MYO9A: variants seen among roughly 807,000 people sequenced by gnomAD.
The protein encoded by MYO9A is unconventional myosin-IXa.
A neutral mutation model predicts 293.3 loss-of-function variants in MYO9A; 103 were observed. The observed-to-expected ratio is 0.35, with a 90% CI of 0.30 to 0.41. The LOEUF is 0.41. Ranked by LOEUF, MYO9A falls within the 10% of genes least tolerant of loss-of-function variation. The pLI is 1.00. For synonymous variants in MYO9A, 1,001 were observed against 1,035.7 expected (o/e 0.97, Z 0.64); for missense variants, 2,685 against 3,033.0 (o/e 0.89, Z 2.69).
At chr15:71,900,038 TG>T in intron 23 of MYO9A, 32 bp from the exon 24 acceptor site, 2 of 1,563,318 alleles carry the variant, frequency 1.3e-6, no homozygotes, top group Non-Finnish European at 1.7e-6. Flanking sequence ...AGAAACTGGT[TG>T]TCATATCTTA....
Position 71,852,156 on chromosome 15 carries a change from A to G in MYO9A, c.6451T>C (p.Tyr2151His). ...LPNPLMTFEL[Y>H]EEFLRAMGLQ... The stretch of plus-strand genomic sequence containing the variant: ...CCCATAGCTCGAAGAAATTCCTCAT[A>G]GAGTTCAAAGGTCATGAGAGGATTG... Residue 2151 changes from tyrosine to histidine, a missense_variant, in exon 36 of 42, where the codon TAT becomes CAT. This residue lies in a region of MYO9A where 238 missense variants were observed against 269.1 expected (regional missense o/e 0.88). Transcript: ENST00000356056. 1 of 1,612,244 alleles carries G rather than the reference A, an allele frequency of 6.2e-7. No individual in the cohort carries two copies. Among genetic ancestry groups the G allele is most frequent in the Non-Finnish European group, 8.5e-7 (1 of 1,178,814 alleles).
chr15:72,008,240 C>G (rs1005873245), intron 7 of MYO9A, among the ~76,000 whole-genome samples: 2 of 152,100 alleles, frequency 1.3e-5, no homozygotes, highest in Non-Finnish European at 2.9e-5. Flanking sequence ...TTTAAAAAGG[C>G]CATGCCTCTC....
At chr15:72,050,147 G>GT (rs1270497948) in intron 1 of MYO9A, among the ~76,000 whole-genome samples, 19 of 150,550 alleles carry the variant, frequency 1.3e-4, no homozygotes, top group Non-Finnish European at 1.5e-4. Context: ...TGCTTTGTGG[G>GT]TTTTTTTGTT....
intron 18 of MYO9A, among the ~76,000 whole-genome samples, chr15:71,924,101 T>G (rs2058226944): frequency 6.6e-6 from 1 of 152,096 alleles, no homozygotes; most frequent in Non-Finnish European, 1.5e-5. Context: ...CTCCTTTGAC[T>G]CATTTGTAGT....
intron 8 of MYO9A, among the ~76,000 whole-genome samples, chr15:72,005,632 G>T (rs1435696169): frequency 3.9e-5 from 6 of 152,198 alleles, no homozygotes; most frequent in Non-Finnish European, 8.8e-5. Flanking sequence ...CCCTTCCCCT[G>T]CCTCTTCCTC....
intron 13 of MYO9A, among the ~76,000 whole-genome samples, chr15:71,960,892 G>C (rs565035426): frequency 2.9e-4 from 44 of 152,140 alleles, no homozygotes; most frequent in Admixed American, 8.5e-4. Flanking sequence ...ATGATGATAA[G>C]CTGGACAAGT....
intron 6 of MYO9A, among the ~76,000 whole-genome samples, chr15:72,015,171 A>C (rs2077294457): frequency 6.6e-6 from 1 of 152,022 alleles, no homozygotes; most frequent in South Asian, 2.1e-4. Context: ...AAACAGAAAA[A>C]TATATGCAGA....
At chr15:72,065,699 T>A in intron 1 of MYO9A, among the ~76,000 whole-genome samples, 1 of 151,740 alleles carries the variant, frequency 6.6e-6, no homozygotes. Flanking sequence ...ATACCTGCAA[T>A]ACACATATCA....
intron 14 of MYO9A, among the ~76,000 whole-genome samples, chr15:71,954,115 C>G (rs112660233): frequency 0.017 from 2,595 of 152,050 alleles, 80 homozygotes; most frequent in African/African-American, 0.06. Context: ...AGGATGGTCT[C>G]GACCTCCTGA....
In MYO9A at chr15:72,103,486, C is replaced by CA. The variant is rs1206558128; in HGVS notation, c.-72+14193_-72+14194insT. Among the ~76,000 whole-genome samples, 160 of 133,412 alleles carry CA rather than the reference C, an allele frequency of 1.2e-3. 1 individual carries two copies. The highest frequency in any genetic ancestry group is 1.8e-3 in the Non-Finnish European group (115 of 63,452). The allele number at this position is 133,412 out of a possible 152,430, so 87.5% of individuals were successfully genotyped here. Reference sequence around the variant, plus strand: ...GAAGCAGCAGCAGAAGCAGAAGCAGCGCAGAAGCAGAAGCAGTGGCAGCAG... The same window carrying CA: ...GAAGCAGCAGCAGAAGCAGAAGCAGCAGCAGAAGCAGAAGCAGTGGCAGCAG... On this transcript the variant is annotated intron_variant, in intron 1 of 41. Coordinates refer to ENST00000356056, the MANE Select transcript of MYO9A (RefSeq NM_006901.4).
At chr15:72,029,690 G>A (rs942999911) in intron 3 of MYO9A, among the ~76,000 whole-genome samples, 2 of 152,166 alleles carry the variant, frequency 1.3e-5, no homozygotes, top group Non-Finnish European at 2.9e-5. Flanking sequence ...TGAAAGTAAT[G>A]AGGAATTAAA....
rs558280134 is a variant in MYO9A, at chr15:72,032,693, A to G, written c.841-105T>C. ...AGGTCAGCTCAGAGACAAAATGTTA[A>G]AGAGACAGTAAAAAGACAATTTGCT... On this transcript the variant is annotated intron_variant, in intron 2 of 41. Transcript: ENST00000356056. 9.3e-5 allele frequency: 57 copies of G among 610,406 alleles called. 2 individuals are homozygous for G. The Admixed American group carries it at 1.7e-3, about 19-fold the overall frequency. 37.8% of individuals were successfully genotyped at this position (610,406 alleles called of 1,614,324 possible).
intron 3 of MYO9A, among the ~76,000 whole-genome samples, chr15:72,031,445 C>G (rs1341222600): frequency 6.6e-6 from 1 of 152,044 alleles, no homozygotes; most frequent in Non-Finnish European, 1.5e-5. Context: ...GAGATTGCAC[C>G]ACTGCATTCC....
intron 18 of MYO9A, among the ~76,000 whole-genome samples, chr15:71,930,100 C>T (rs1300066539): frequency 6.6e-6 from 1 of 152,158 alleles, no homozygotes; most frequent in African/African-American, 2.4e-5. Context: ...CTATTGCTGG[C>T]CAGGCATGGT....
At chr15:72,116,934 G>C (rs183628371) in intron 1 of MYO9A, 7 of 152,298 alleles carry the variant, frequency 4.6e-5, no homozygotes, top group Admixed American at 4.6e-4. Context: ...CTCCAAACAT[G>C]GGTCTCGGTC....
Position 71,920,784 on chromosome 15 carries a change from G to C in MYO9A, c.2563-4292C>G, listed in dbSNP as rs1226536033. Among the ~76,000 whole-genome samples the C allele has an allele frequency of 4.6e-5, 7 of 151,496 alleles. No individual in the cohort carries two copies. The East Asian group carries it at 1.4e-3, about 29-fold the overall frequency. On this transcript the variant is annotated intron_variant, in intron 18 of 41. Transcript: ENST00000356056. The stretch of plus-strand genomic sequence containing the variant: ...TCAATATGGCAAAACCCTGTCTCTA[G>C]TGGAAAAAAAAAAATAGCCGGGCAT...
At chr15:71,858,098 C>A (rs1460094693) in intron 34 of MYO9A, among the ~76,000 whole-genome samples, 1 of 152,300 alleles carries the variant, frequency 6.6e-6, no homozygotes, top group East Asian at 1.9e-4. Context: ...ATTAAAAAGT[C>A]AGGAAACAAC....
chr15:71,844,903 C>T (rs1378277614), intron 39 of MYO9A, among the ~76,000 whole-genome samples: 1 of 152,018 alleles, frequency 6.6e-6, no homozygotes, highest in African/African-American at 2.4e-5. Context: ...TTATGAAGAC[C>T]CAAAGAAAGT....
chr15:71,831,741 C>A (rs2054736036), intron 39 of MYO9A, among the ~76,000 whole-genome samples: 1 of 152,098 alleles, frequency 6.6e-6, no homozygotes, highest in African/African-American at 2.4e-5. Flanking sequence ...TTTTCAAATA[C>A]TCTGACAAAT....
Sources: allele counts gnomAD v4.1 joint callset (sites outside exome capture counted in the v4.1 genomes callset), GRCh38; gene constraint gnomAD v4.1.1; regional missense constraint gnomAD v4.1.1; transcripts MANE v1.5; gene names NCBI Gene and HGNC (gene_info 2026-07-23, HGNC 2026-07-21).